Variants in CHST11 observed in about 807,000 individuals in gnomAD.
The protein encoded by CHST11 is C4S-1.
CHST11 carries 9 observed loss-of-function variants against 30.4 expected under a neutral mutation model. The ratio of observed to expected loss-of-function variants is 0.30; its 90% CI spans 0.18 to 0.52. CHST11 has a LOEUF of 0.52. Ranked by LOEUF, CHST11 falls within the 20% of genes least tolerant of loss-of-function variation. The pLI is 0.97. For synonymous variants in CHST11, 152 were observed against 187.8 expected, an observed-to-expected ratio of 0.81 and a Z score of 1.56; for missense variants, 348 against 460.6, an observed-to-expected ratio of 0.76 and a Z score of 2.24.
intron 2 of CHST11, among the ~76,000 whole-genome samples, chr12:104,711,940 A>G (rs774254231): frequency 9.9e-5 from 15 of 152,126 alleles, no homozygotes; most frequent in Non-Finnish European, 1.8e-4. Context: ...GTTTAGCTTT[A>G]TGGGAGGGAC....
chr12:104,699,655 C>A (rs1264631360), intron 2 of CHST11, among the ~76,000 whole-genome samples: 1 of 152,218 alleles, frequency 6.6e-6, no homozygotes, highest in South Asian at 2.1e-4. Context: ...ACGCATAACA[C>A]GTGGTTTCCA....
intron 2 of CHST11, among the ~76,000 whole-genome samples, chr12:104,739,072 C>T (rs1030823498): frequency 6.6e-6 from 1 of 152,186 alleles, no homozygotes; most frequent in African/African-American, 2.4e-5. Flanking sequence ...GCGGGACCTG[C>T]AGGTGGCAGA....
intron 1 of CHST11, among the ~76,000 whole-genome samples, chr12:104,565,714 G>A (rs1161621922): frequency 2.0e-5 from 3 of 152,198 alleles, no homozygotes; most frequent in Non-Finnish European, 2.9e-5. Context: ...AGGATGAGGA[G>A]ACCCAGGGGA....
At chr12:104,678,484 A>C (rs2039763628) in intron 2 of CHST11, among the ~76,000 whole-genome samples, 1 of 152,232 alleles carries the variant, frequency 6.6e-6, no homozygotes, top group African/African-American at 2.4e-5. Context: ...AATGTTTTGC[A>C]TGATTTAATT....
intron 1 of CHST11, chr12:104,552,871 T>G (rs1030154270): frequency 2.6e-5 from 4 of 152,240 alleles, no homozygotes; most frequent in African/African-American, 9.6e-5. Context: ...TGGCCGAGCC[T>G]AGCAGGATGC....
intron 2 of CHST11, among the ~76,000 whole-genome samples, chr12:104,641,610 G>A (rs1157957677): frequency 6.6e-6 from 1 of 152,076 alleles, no homozygotes; most frequent in Non-Finnish European, 1.5e-5. Context: ...GGGAAACTGG[G>A]GGTTAAGGTA....
At chr12:104,601,857 A>G (rs776847791) in intron 1 of CHST11, 49 bp from the exon 2 acceptor site, 8 of 1,482,264 alleles carry the variant, frequency 5.4e-6, no homozygotes, top group Admixed American at 1.7e-5. Context: ...TTGACAGACA[A>G]CAAATCTTTG....
At chr12:104,740,030 A>G (rs1327880606) in intron 2 of CHST11, among the ~76,000 whole-genome samples, 1 of 152,252 alleles carries the variant, frequency 6.6e-6, no homozygotes, top group African/African-American at 2.4e-5. Context: ...GAATGAGATC[A>G]GGGAGACACT....
intron 2 of CHST11, among the ~76,000 whole-genome samples, chr12:104,640,966 C>A (rs2136074606): frequency 6.6e-6 from 1 of 152,276 alleles, no homozygotes; most frequent in East Asian, 1.9e-4. Flanking sequence ...CCATAAATAC[C>A]CCAGGCTCAG....
chr12:104,658,306 G>A (rs911395954), intron 2 of CHST11, among the ~76,000 whole-genome samples: 1 of 152,254 alleles, frequency 6.6e-6, no homozygotes, highest in Non-Finnish European at 1.5e-5. Context: ...TGAGAGAAGG[G>A]GCTGTCCCAG....
Position 104,676,390 on chromosome 12 carries a change from T to G in CHST11, c.204+74399T>G, listed in dbSNP as rs2039743565. On this transcript the variant is annotated intron_variant, in intron 2 of 2. Coordinates refer to ENST00000303694, the MANE Select transcript of CHST11 (RefSeq NM_018413.6). This position sits in a 1 kb window ranked among gnomAD's most constrained non-coding sequence, Gnocchi z 4.4. ...CGCATCTCCTCAACTCTGCTTCCAT[T>G]GTCACATCTTTTCTGACTCCGAGTC... is the stretch of plus-strand genomic sequence containing the variant. Among the ~76,000 whole-genome samples, 1 of 152,212 alleles carries G rather than the reference T, an allele frequency of 6.6e-6. No homozygotes were observed. The highest frequency in any genetic ancestry group is 1.5e-5 in the Non-Finnish European group (1 of 68,026).
chr12:104,505,386 A>G (rs963069198), intron 1 of CHST11, among the ~76,000 whole-genome samples: 9 of 152,170 alleles, frequency 5.9e-5, no homozygotes, highest in Admixed American at 5.2e-4. Context: ...TCAGAGGCTA[A>G]GCAACCCTAT....
In CHST11 at chr12:104,761,937, A is replaced by G. The variant is rs1333395418; in HGVS notation, c.*4134A>G. ...TGCCAACAAAAGCGTGAAAATGTTC[A>G]TGAACCTTCCTCCAGGAAAAGCCAT... On this transcript the variant is annotated 3_prime_UTR_variant, in exon 3 of 3. Transcript: ENST00000303694. 1.3e-5 allele frequency: 2 copies of G among 152,262 alleles called. No homozygotes were observed. Among genetic ancestry groups the G allele is most frequent in the Non-Finnish European group, 2.9e-5 (2 of 68,046 alleles). 9.4% of individuals were successfully genotyped at this position (152,262 alleles called of 1,614,324 possible).
chr12:104,607,307 G>A (rs558689448), intron 2 of CHST11, among the ~76,000 whole-genome samples: 1 of 152,206 alleles, frequency 6.6e-6, no homozygotes, highest in East Asian at 1.9e-4. Context: ...TAGTCCAAAG[G>A]TTGTTGGGGC....
At chr12:104,636,615 A>G (rs945210372) in intron 2 of CHST11, among the ~76,000 whole-genome samples, 3 of 152,112 alleles carry the variant, frequency 2.0e-5, no homozygotes, top group Admixed American at 6.5e-5. Flanking sequence ...GCCTTTTAAG[A>G]GCCTGGATGT....
chr12:104,738,381 C>T (rs2040319064), intron 2 of CHST11, among the ~76,000 whole-genome samples: 1 of 152,248 alleles, frequency 6.6e-6, no homozygotes, highest in Non-Finnish European at 1.5e-5. Context: ...CCTCTGTGGG[C>T]TTTGCATGAA....
At chr12:104,696,480 T>TACAAAAA (rs2039946316) in intron 2 of CHST11, among the ~76,000 whole-genome samples, 1 of 13,874 alleles carries the variant, frequency 7.2e-5, no homozygotes, top group Non-Finnish European at 1.6e-4. Flanking sequence ...CTGCTAAAAA[T>TACAAAAA]ACAAAAAAAA....
At chr12:104,510,812 G>GT (rs143657661) in intron 1 of CHST11, among the ~76,000 whole-genome samples, 25,604 of 150,638 alleles carry the variant, frequency 0.17, 2,417 homozygotes, top group East Asian at 0.33. Flanking sequence ...TGAGTTTCTT[G>GT]TTTTTTCTTT....
intron 2 of CHST11, among the ~76,000 whole-genome samples, chr12:104,733,835 G>A (rs995956253): frequency 3.3e-5 from 5 of 152,198 alleles, no homozygotes; most frequent in Admixed American, 6.5e-5. Flanking sequence ...TGCTTTTGAC[G>A]TTGTAAGGTA....
Sources: gnomAD v4.1 joint callset for allele counts (sites outside exome capture counted in the v4.1 genomes callset) on GRCh38, gnomAD v4.1.1 for gene constraint, Gnocchi (gnomAD v3.1) non-coding constraint, MANE v1.5 for transcripts, NCBI Gene and HGNC (gene_info 2026-07-23, HGNC 2026-07-21) for gene names.